FAM81A: variants seen among roughly 807,000 people sequenced by gnomAD.
FAM81A encodes the protein protein FAM81A.
FAM81A carries 19 observed loss-of-function variants against 46.7 expected under a neutral mutation model. That is an observed-to-expected ratio of 0.41 (90% confidence interval 0.28 to 0.60). The LOEUF (loss-of-function observed/expected upper bound fraction) is 0.60. FAM81A is among the 20% of genes least tolerant of loss of function. The probability of loss-of-function intolerance (pLI) is 0.34; values close to 1 mark genes in which losing one functional copy is unlikely to be tolerated. For missense variants in FAM81A, 377 were observed against 453.5 expected (o/e 0.83, Z 1.53); for synonymous variants, 183 against 152.9 (o/e 1.20, Z -1.45).
At chr15:59,483,726 C>T (rs1197779448) in intron 3 of FAM81A, among the ~76,000 whole-genome samples, 1 of 152,134 alleles carries the variant, frequency 6.6e-6, no homozygotes, top group Non-Finnish European at 1.5e-5. Flanking sequence ...GTTTAGTGTG[C>T]CTGTCTCTAG....
intron 2 of FAM81A, among the ~76,000 whole-genome samples, chr15:59,431,532 CTTT>C (rs528145205): frequency 3.0e-5 from 4 of 135,448 alleles, no homozygotes; most frequent in Admixed American, 7.4e-5. Context: ...TGCAACCAGC[CTTT>C]TTTTTTTTTT....
intron 1 of FAM81A, chr15:59,440,242 C>G (rs2081283140): frequency 6.6e-6 from 1 of 151,992 alleles, no homozygotes; most frequent in Non-Finnish European, 1.5e-5. Flanking sequence ...TTTAGACTCT[C>G]TCAGATATAC....
chr15:59,428,883 C>T (rs8024829), intron 2 of FAM81A, among the ~76,000 whole-genome samples: 3,084 of 152,108 alleles, frequency 0.02, 98 homozygotes, highest in African/African-American at 0.068. Context: ...TGCCTGCCTC[C>T]GCCTCTGAAA....
intron 2 of FAM81A, among the ~76,000 whole-genome samples, chr15:59,431,392 G>C (rs536768274): frequency 6.6e-6 from 1 of 152,056 alleles, no homozygotes; most frequent in African/African-American, 2.4e-5. Flanking sequence ...GTGCCACCAA[G>C]CCCAGCTAAT....
intron 3 of FAM81A, among the ~76,000 whole-genome samples, chr15:59,467,364 G>A (rs147074219): frequency 8.5e-5 from 13 of 152,244 alleles, no homozygotes; most frequent in Non-Finnish European, 1.9e-4. Context: ...CCATTTGTTT[G>A]TGTCCTCTTT....
chr15:59,407,657 C>A, intron 2 of FAM81A: 1 of 165,540 alleles, frequency 6.0e-6, no homozygotes, highest in South Asian at 1.4e-4. Context: ...ACAACTAGCT[C>A]GATGGGATCC....
chr15:59,408,358 A>G (rs987253236), intron 2 of FAM81A, among the ~76,000 whole-genome samples: 1 of 152,162 alleles, frequency 6.6e-6, no homozygotes, highest in Non-Finnish European at 1.5e-5. Flanking sequence ...ATTTTAATTC[A>G]TGGACTTTTT....
intron 2 of FAM81A, among the ~76,000 whole-genome samples, chr15:59,421,745 G>GTCTATCTATCTA (rs1242529010): frequency 4.2e-4 from 32 of 76,736 alleles, no homozygotes; most frequent in African/African-American, 1.4e-3. Flanking sequence ...CTATCTATCT[G>GTCTATCTATCTA]TCTATCTATC....
chr15:59,426,122 T>C (rs568906255), intron 2 of FAM81A, among the ~76,000 whole-genome samples: 27 of 152,356 alleles, frequency 1.8e-4, no homozygotes, highest in African/African-American at 6.3e-4. Flanking sequence ...GGAAGAATTG[T>C]GGTTTGCTAA....
rs1216415631 is a variant in FAM81A at position 59,522,513 on chromosome 15, C to T, written c.*1135C>T. 2 of 152,250 alleles carry T rather than the reference C, an allele frequency of 1.3e-5. No individual in the cohort carries two copies. The highest frequency in any genetic ancestry group is 3.8e-4 in the East Asian group (2 of 5,200). The allele number at this position is 152,250 out of a possible 1,614,324, so 9.4% of individuals were successfully genotyped here. A position where few individuals can be genotyped will look rare whatever the true frequency, so the allele number is the denominator to read the frequency against. ...TCAAATTGATATTGCATTTATAGCACTGTAAGAAACTTTCATCTTGAGCAA... is the reference window on the plus strand; with the variant it reads ...TCAAATTGATATTGCATTTATAGCATTGTAAGAAACTTTCATCTTGAGCAA... On this transcript the variant is annotated 3_prime_UTR_variant, in exon 9 of 9. Transcript: ENST00000288228.
chr15:59,479,293 A>T (rs1395768937), intron 3 of FAM81A, among the ~76,000 whole-genome samples: 1 of 151,976 alleles, frequency 6.6e-6, no homozygotes, highest in Non-Finnish European at 1.5e-5. Context: ...CGTGCAGATC[A>T]CGAGGTCAGG....
intron 1 of FAM81A, among the ~76,000 whole-genome samples, chr15:59,452,711 GT>G (rs1317208238): frequency 6.6e-6 from 1 of 152,132 alleles, no homozygotes; most frequent in Non-Finnish European, 1.5e-5. Context: ...TGCTCATGAT[GT>G]AGTGTCAATT....
At chr15:59,468,229 A>G (rs1371348032) in intron 3 of FAM81A, among the ~76,000 whole-genome samples, 1 of 152,116 alleles carries the variant, frequency 6.6e-6, no homozygotes, top group African/African-American at 2.4e-5. Context: ...TCATAAAGTG[A>G]GTTAGGGAGG....
intron 3 of FAM81A, among the ~76,000 whole-genome samples, chr15:59,483,212 A>G (rs1027602887): frequency 2.9e-4 from 44 of 151,918 alleles, no homozygotes; most frequent in African/African-American, 1.1e-3. Flanking sequence ...TAATTTTTGT[A>G]TTTTTAGTAG....
intron 6 of FAM81A, among the ~76,000 whole-genome samples, chr15:59,511,661 A>G (rs1485737878): frequency 1.3e-5 from 2 of 152,076 alleles, no homozygotes; most frequent in African/African-American, 2.4e-5. Flanking sequence ...TATTTTATTT[A>G]TTTATTTTGA....
At chr15:59,429,172 T>C (rs1162742446) in intron 2 of FAM81A, among the ~76,000 whole-genome samples, 4 of 152,240 alleles carry the variant, frequency 2.6e-5, no homozygotes, top group Non-Finnish European at 4.4e-5. Flanking sequence ...ACTGATGTTA[T>C]TCGGATTCCT....
At chr15:59,455,200 GTTTA>G (rs1378559248) in intron 1 of FAM81A, among the ~76,000 whole-genome samples, 1 of 151,908 alleles carries the variant, frequency 6.6e-6, no homozygotes, top group Non-Finnish European at 1.5e-5. Flanking sequence ...TGGCCCCAGA[GTTTA>G]TTTTTTCTTA....
intron 1 of FAM81A, among the ~76,000 whole-genome samples, chr15:59,455,805 A>G (rs768899128): frequency 6.6e-6 from 1 of 152,214 alleles, no homozygotes; most frequent in Non-Finnish European, 1.5e-5. Flanking sequence ...AGGGGATGCC[A>G]AAGTCCCCAT....
Position 59,441,757 on chromosome 15 carries a change from G to A in FAM81A, c.-78+3475G>A, listed in dbSNP as rs185018976. 1.6e-3 allele frequency among the ~76,000 whole-genome samples: 247 copies of A among 152,298 alleles called. 1 individual carries two copies. Among genetic ancestry groups the A allele is most frequent in the Non-Finnish European group, 2.6e-3 (180 of 68,026 alleles). ...TGTCTCCATGACACTGGTTGTCCAGGCCCACTCGAACCTCATTTGTTTCCT... is the reference window on the plus strand; with the variant it reads ...TGTCTCCATGACACTGGTTGTCCAGACCCACTCGAACCTCATTTGTTTCCT... On this transcript the variant is annotated intron_variant, in intron 1 of 8. Coordinates refer to ENST00000288228, the MANE Select transcript of FAM81A (RefSeq NM_152450.3).
Sources: allele counts gnomAD v4.1 joint callset (sites outside exome capture counted in the v4.1 genomes callset), GRCh38; gene constraint gnomAD v4.1.1; transcripts MANE v1.5; gene names NCBI Gene and HGNC (gene_info 2026-07-23, HGNC 2026-07-21).